Variants in MAPT observed in about 807,000 individuals in gnomAD.
MAPT encodes microtubule associated protein tau.
In MAPT, 34 loss-of-function variants were observed where a neutral mutation model predicts 67.9. The observed-to-expected ratio is 0.50, with a 90% CI of 0.38 to 0.67. The LOEUF (loss-of-function observed/expected upper bound fraction) is 0.67. Among genes scored for constraint, MAPT ranks in the 30% least tolerant of loss-of-function variants. The pLI is 0.00. For synonymous variants in MAPT, 456 were observed against 464.5 expected, an observed-to-expected ratio of 0.98 and a Z score of 0.23; for missense variants, 881 against 1,115.2, an observed-to-expected ratio of 0.79 and a Z score of 2.99.
chr17:45,987,140 A>G, intron 6 of MAPT, 45 bp downstream of exon 6: 1 of 1,574,740 alleles, frequency 6.4e-7, no homozygotes, highest in Non-Finnish European at 8.7e-7. Flanking sequence ...TCAAGTTTAC[A>G]GAGAAGCTGT....
At chr17:45,932,762 A>G (rs2066961219) in intron 1 of MAPT, among the ~76,000 whole-genome samples, 1 of 152,184 alleles carries the variant, frequency 6.6e-6, no homozygotes, top group Admixed American at 6.5e-5. Flanking sequence ...GAACCTTACT[A>G]ACACTGAGAT....
intron 9 of MAPT, among the ~76,000 whole-genome samples, chr17:46,001,626 A>G (rs2075007645): frequency 6.6e-6 from 1 of 152,164 alleles, no homozygotes; most frequent in Non-Finnish European, 1.5e-5. Context: ...TCATACCACT[A>G]CACCCTAGCC....
intron 1 of MAPT, among the ~76,000 whole-genome samples, chr17:45,911,086 A>G (rs758429327): frequency 6.6e-6 from 1 of 152,264 alleles, no homozygotes; most frequent in Non-Finnish European, 1.5e-5. Context: ...CTAGTTTCAC[A>G]TCAAATGGAA....
intron 9 of MAPT, among the ~76,000 whole-genome samples, chr17:46,001,466 G>A (rs62064660): frequency 0.15 from 22,045 of 151,994 alleles, 2,135 homozygotes; most frequent in Non-Finnish European, 0.22. Context: ...AAAAAATGAA[G>A]AAAACACAAC....
At chr17:45,951,031 A>C (rs562485428) in intron 1 of MAPT, among the ~76,000 whole-genome samples, 2 of 152,222 alleles carry the variant, frequency 1.3e-5, no homozygotes, top group Non-Finnish European at 2.9e-5. Flanking sequence ...AATGTGGACT[A>C]TCCCTCCCAT....
At chr17:45,931,733 G>C (rs1040809180) in intron 1 of MAPT, 1 of 152,124 alleles carries the variant, frequency 6.6e-6, no homozygotes, top group African/African-American at 2.4e-5. Flanking sequence ...TATTTACCAA[G>C]CAAAAATATT....
chr17:45,935,524 C>T (rs756707990), intron 1 of MAPT, among the ~76,000 whole-genome samples: 92 of 152,250 alleles, frequency 6.0e-4, no homozygotes, highest in Admixed American at 1.2e-3. Context: ...ACCACCATCA[C>T]CAGAGCCAAA....
At chr17:45,940,169 G>T (rs1348812237) in intron 1 of MAPT, among the ~76,000 whole-genome samples, 1 of 152,184 alleles carries the variant, frequency 6.6e-6, no homozygotes, top group Non-Finnish European at 1.5e-5. Flanking sequence ...AACTGCATTT[G>T]ACCTGCAATA....
chr17:46,018,814 C>T, intron 12 of MAPT, 84 bp downstream of exon 12: 1 of 1,009,682 alleles, frequency 9.9e-7, no homozygotes, highest in South Asian at 1.3e-5. Flanking sequence ...GGTCCAGTTC[C>T]CAGAGGAGGA....
At chr17:45,984,542 A>G (rs1219169533) in intron 5 of MAPT, among the ~76,000 whole-genome samples, 1 of 152,256 alleles carries the variant, frequency 6.6e-6, no homozygotes, top group Admixed American at 6.5e-5. Flanking sequence ...TGACACACAC[A>G]GCATCCAGAG....
rs936339290 is a variant in MAPT at position 46,010,218 on chromosome 17, G to C, written c.1999-92G>C. On this transcript the variant is annotated intron_variant, in intron 9 of 12. Transcript: ENST00000262410. This position sits in a 1 kb window ranked among gnomAD's most constrained non-coding sequence, Gnocchi z 4.7. ...AGCAAGTAGGCGGGTCCAGGGTGGCGCATGTCACTCATCGAAAGTGGAGGC... is the reference window on the plus strand; with the variant it reads ...AGCAAGTAGGCGGGTCCAGGGTGGCCCATGTCACTCATCGAAAGTGGAGGC... 6.0e-6 allele frequency: 5 copies of C among 837,066 alleles called. No homozygotes were observed. The East Asian group carries it at 1.3e-4, about 22-fold the overall frequency. 51.9% of individuals were successfully genotyped at this position (837,066 alleles called of 1,614,324 possible). A position where few individuals can be genotyped will look rare whatever the true frequency, so the allele number is the denominator to read the frequency against.
chr17:46,022,928 T>C (rs143676553), intron 12 of MAPT, among the ~76,000 whole-genome samples: 2 of 152,272 alleles, frequency 1.3e-5, no homozygotes, highest in African/African-American at 2.4e-5. Flanking sequence ...AATAGATGGA[T>C]AGATAAGTCG....
rs9891103 is a variant in MAPT at position 46,014,520 on chromosome 17, C to T, written c.2173+196C>T. Among the ~76,000 whole-genome samples the T allele has an allele frequency of 0.23, 34,645 of 152,060 alleles. 4,503 individuals carry two copies. The highest frequency in any genetic ancestry group is 0.32 in the African/African-American group (13,395 of 41,430). ...GGCTCCAGCTCGCTCCTGCCCAGGC[C>T]ATGCTGCCCAAGACAAGGTGAGGCG... On this transcript the variant is annotated intron_variant, in intron 11 of 12. Transcript: ENST00000262410.
intron 9 of MAPT, among the ~76,000 whole-genome samples, chr17:46,009,483 CT>C (rs2075677225): frequency 1.5e-5 from 2 of 134,298 alleles, no homozygotes; most frequent in Non-Finnish European, 3.5e-5. Flanking sequence ...CAGGCCACCC[CT>C]GCTTATGGAA....
Position 45,991,444 on chromosome 17 carries a change from C to T in MAPT, c.1606-16C>T. The T allele has an allele frequency of 6.2e-7, 1 of 1,614,134 alleles. No homozygotes were observed. ...TCCCAATGGTGAAAAACCCCTCTAT[C>T]ATGTTTCATTTACAGGGGGCTGATG... On this transcript the variant is annotated splice_polypyrimidine_tract_variant and intron_variant, in intron 7 of 12. Transcript: ENST00000262410.
At chr17:45,945,221 G>A (rs1412785826) in intron 1 of MAPT, among the ~76,000 whole-genome samples, 1 of 152,204 alleles carries the variant, frequency 6.6e-6, no homozygotes, top group African/African-American at 2.4e-5. Context: ...AACATCATGT[G>A]TAAAACGGGG....
At chr17:45,911,372 G>A (rs1368339068) in intron 1 of MAPT, among the ~76,000 whole-genome samples, 1 of 152,254 alleles carries the variant, frequency 6.6e-6, no homozygotes, top group African/African-American at 2.4e-5. Context: ...GGCTGCGCCT[G>A]TAGTCCCAGC....
At chr17:45,933,177 C>T (rs2067002156) in intron 1 of MAPT, among the ~76,000 whole-genome samples, 3 of 151,080 alleles carry the variant, frequency 2.0e-5, no homozygotes, top group Admixed American at 6.6e-5. Flanking sequence ...ATTGCAGGCA[C>T]ATGATGCTAA....
At chr17:45,936,193 G>A (rs750131429) in intron 1 of MAPT, among the ~76,000 whole-genome samples, 45 of 152,178 alleles carry the variant, frequency 3.0e-4, no homozygotes, top group Non-Finnish European at 5.9e-4. Flanking sequence ...TATATCCAAG[G>A]GCATGGCCCA....
Sources: allele counts gnomAD v4.1 joint callset (sites outside exome capture counted in the v4.1 genomes callset), GRCh38; gene constraint gnomAD v4.1.1; non-coding constraint Gnocchi (gnomAD v3.1); transcripts MANE v1.5; gene names NCBI Gene and HGNC (gene_info 2026-07-23, HGNC 2026-07-21).